Variants in PTBP2 observed in about 807,000 individuals in gnomAD.
PTBP2 encodes polypyrimidine tract binding protein 2, also known as polypyrimidine tract-binding protein 2.
Under a neutral mutation model 61.4 loss-of-function variants are expected in PTBP2, and 13 were observed. The observed-to-expected ratio is 0.21, with a 90% confidence interval of 0.14 to 0.34. PTBP2 has a LOEUF of 0.34. PTBP2 is among the 10% of genes least tolerant of loss of function. PTBP2 has a pLI of 1.00. For synonymous variants in PTBP2, 215 were observed against 218.5 expected (o/e 0.98, Z 0.14); for missense variants, 405 against 642.6 (o/e 0.63, Z 4.00).
At chr1:96,737,621 A>C (rs934720948) in intron 2 of PTBP2, among the ~76,000 whole-genome samples, 1 of 152,162 alleles carries the variant, frequency 6.6e-6, no homozygotes, top group Non-Finnish European at 1.5e-5. Flanking sequence ...TTAAAGCTAC[A>C]AAAACAAGTA....
chr1:96,812,137 T>TAA (rs1360439681), intron 11 of PTBP2, among the ~76,000 whole-genome samples: 3 of 152,204 alleles, frequency 2.0e-5, no homozygotes, highest in Non-Finnish European at 4.4e-5. Context: ...TAAGCCATGT[T>TAA]AAAGAATGAG....
At position 96,813,290 on chromosome 1, in the gene PTBP2, C is replaced by G; in HGVS notation, c.1481C>G (p.Ala494Gly). The G allele has an allele frequency of 6.2e-7, 1 of 1,601,984 alleles. No individual in the cohort carries two copies. The highest frequency in any genetic ancestry group is 8.5e-7 in the Non-Finnish European group (1 of 1,176,488). The change falls in exon 14 of 14, where the codon GCT (alanine) becomes GGT (glycine). Residue 494 changes from alanine (A) to glycine (G), a missense_variant. Ala to Gly is a moderately conservative substitution (Grantham distance 60). Transcript: ENST00000674951. ...TGTTTCAGAAGAGATCACAAAATGG[C>G]TCTTCTTCAGATGGCAACAGTGGAA... is the stretch of plus-strand genomic sequence containing the variant. ...AFKFFQDHKM[A>G]LLQMATVEEA...
intron 8 of PTBP2, among the ~76,000 whole-genome samples, chr1:96,798,431 G>T (rs1660615517): frequency 6.6e-6 from 1 of 152,046 alleles, no homozygotes; most frequent in African/African-American, 2.4e-5. Flanking sequence ...ATTAGAAAGG[G>T]CTTTAGAGTC....
intron 2 of PTBP2, among the ~76,000 whole-genome samples, chr1:96,741,548 C>T (rs1042688634): frequency 5.3e-5 from 8 of 152,140 alleles, no homozygotes; most frequent in East Asian, 1.9e-4. Flanking sequence ...AGGCGTGAGT[C>T]GCTGTGCCTG....
intron 8 of PTBP2, among the ~76,000 whole-genome samples, chr1:96,791,826 C>CTTTTTTTTGTTTTTTTTTTTG (rs1482989030): frequency 0.048 from 3,183 of 65,794 alleles, 214 homozygotes; most frequent in Middle Eastern, 0.1. Flanking sequence ...TGGAGTTGTG[C>CTTTTTTTTGTTTTTTTTTTTG]TTTTTTTTTT....
chr1:96,812,464 AT>A (rs1055587132), intron 11 of PTBP2, among the ~76,000 whole-genome samples: 3 of 152,116 alleles, frequency 2.0e-5, no homozygotes, highest in Non-Finnish European at 4.4e-5. Context: ...TGTTAGCAGG[AT>A]TGTTGAGGAA....
At chr1:96,813,239 G>A (rs1318254048) in intron 13 of PTBP2, 37 bp from the exon 14 acceptor site, 2 of 1,572,454 alleles carry the variant, frequency 1.3e-6, no homozygotes, top group Non-Finnish European at 1.7e-6. Context: ...TTTCTAATTT[G>A]TATGAAGTGT....
intron 11 of PTBP2, among the ~76,000 whole-genome samples, chr1:96,808,743 T>C (rs925359800): frequency 2.2e-4 from 34 of 152,106 alleles, no homozygotes; most frequent in African/African-American, 7.5e-4. Context: ...AGATTTTGCT[T>C]TCTTGAACTG....
intron 11 of PTBP2, among the ~76,000 whole-genome samples, chr1:96,811,517 A>G (rs560240013): frequency 1.3e-5 from 2 of 152,026 alleles, no homozygotes; most frequent in Non-Finnish European, 2.9e-5. Context: ...CCTCCTGGGT[A>G]CAAGCAATTC....
intron 3 of PTBP2, among the ~76,000 whole-genome samples, chr1:96,762,553 C>T (rs866366770): frequency 2.0e-4 from 29 of 143,694 alleles, no homozygotes; most frequent in Admixed American, 3.4e-4. Context: ...GCTGACCCCC[C>T]GACCTCCTTC....
intron 2 of PTBP2, among the ~76,000 whole-genome samples, chr1:96,742,825 CAG>C (rs1653216688): frequency 6.6e-6 from 1 of 152,046 alleles, no homozygotes; most frequent in Non-Finnish European, 1.5e-5. Context: ...GCAGATATAT[CAG>C]AATGTGTGTC....
At position 96,756,355 on chromosome 1, in the gene PTBP2, C is replaced by T. The variant is rs567036236; in HGVS notation, c.115+4855C>T. 3.9e-5 allele frequency among the ~76,000 whole-genome samples: 6 copies of T among 152,312 alleles called. No individual in the cohort carries two copies. In the South Asian group the frequency reaches 8.3e-4, roughly 21 times the overall value. On this transcript the variant is annotated intron_variant, in intron 3 of 13. Transcript: ENST00000674951. Reference sequence around the variant, plus strand: ...TGGAGGTTGCAGTGAGCCAGGATCACGCCCATTTCACTCCAACCTGGGCAA... The same window carrying T: ...TGGAGGTTGCAGTGAGCCAGGATCATGCCCATTTCACTCCAACCTGGGCAA...
At chr1:96,773,721 A>C (rs1465375138) in intron 5 of PTBP2, among the ~76,000 whole-genome samples, 2 of 152,092 alleles carry the variant, frequency 1.3e-5, no homozygotes, top group African/African-American at 4.8e-5. Context: ...TCACACTTGT[A>C]ATCCCAGCAC....
At chr1:96,748,638 A>G (rs969719896) in intron 2 of PTBP2, among the ~76,000 whole-genome samples, 1 of 152,180 alleles carries the variant, frequency 6.6e-6, no homozygotes, top group African/African-American at 2.4e-5. Context: ...TAAAATTGAT[A>G]TCATTCTTAG....
intron 2 of PTBP2, among the ~76,000 whole-genome samples, chr1:96,735,504 G>A (rs1259050689): frequency 6.6e-6 from 1 of 152,074 alleles, no homozygotes; most frequent in African/African-American, 2.4e-5. Flanking sequence ...GATGAGATGA[G>A]GAAAAGACTT....
intron 2 of PTBP2, among the ~76,000 whole-genome samples, chr1:96,725,292 G>A (rs1025247913): frequency 1.6e-4 from 24 of 149,252 alleles, no homozygotes; most frequent in African/African-American, 5.6e-4. Context: ...TAATGTATTG[G>A]TTACACCAGT....
At chr1:96,813,171 T>C (rs1662237808) in intron 13 of PTBP2, 65 bp downstream of exon 13, 6 of 1,545,260 alleles carry the variant, frequency 3.9e-6, no homozygotes, top group Admixed American at 2.0e-5. Flanking sequence ...TTTTGTTCTT[T>C]TCGTTTATAG....
intron 8 of PTBP2, among the ~76,000 whole-genome samples, chr1:96,797,392 A>G (rs1422738538): frequency 6.6e-6 from 1 of 152,224 alleles, no homozygotes; most frequent in Admixed American, 6.5e-5. Flanking sequence ...TAGTGGTAGA[A>G]GAGAATGGAT....
chr1:96,806,684 A>G, intron 10 of PTBP2, 182 bp from the exon 11 acceptor site: 1 of 660,782 alleles, frequency 1.5e-6, no homozygotes, highest in African/African-American at 1.8e-5. Context: ...ATCAAAAATT[A>G]TTCTTTTCAA....
Sources: allele counts gnomAD v4.1 joint callset (sites outside exome capture counted in the v4.1 genomes callset), GRCh38; gene constraint gnomAD v4.1.1; transcripts MANE v1.5; gene names NCBI Gene and HGNC (gene_info 2026-07-23, HGNC 2026-07-21).